The following KLRG1 variants were observed in gnomAD, a reference collection of about 807,000 sequenced individuals.
KLRG1 encodes the protein killer cell lectin-like receptor subfamily G member 1.
KLRG1 carries 16 observed loss-of-function variants against 21.8 expected under a neutral mutation model. The observed-to-expected ratio is 0.73, with a 90% confidence interval of 0.50 to 1.11. The LOEUF (loss-of-function observed/expected upper bound fraction) is 1.11. Ranked by LOEUF, KLRG1 falls within the 50% of genes most tolerant of loss-of-function variation. The pLI, the probability that KLRG1 is intolerant of heterozygous loss-of-function variation, is 0.00. For synonymous variants in KLRG1, 69 were observed against 75.9 expected, an observed-to-expected ratio of 0.91 and a Z score of 0.47; for missense variants, 173 against 218.3, an observed-to-expected ratio of 0.79 and a Z score of 1.31.
At chr12:9,205,845 A>G in the KLRG1 span, among the ~76,000 whole-genome samples, 1 of 152,198 alleles carries the variant, frequency 6.6e-6, no homozygotes, top group Non-Finnish European at 1.5e-5. Flanking sequence ...GAGAGAATCC[A>G]AGGATAATTG....
the KLRG1 span, among the ~76,000 whole-genome samples, chr12:9,187,346 A>G: frequency 2.6e-5 from 4 of 152,282 alleles, no homozygotes; most frequent in Admixed American, 1.3e-4. Flanking sequence ...ATAGACATCT[A>G]CAAAACTATC....
chr12:9,167,132 T>C, the KLRG1 span: 2 of 152,356 alleles, frequency 1.3e-5, no homozygotes, highest in African/African-American at 4.8e-5. Context: ...TTCTCACTGT[T>C]TTGTCTTCTC....
rs868825346 is a variant in KLRG1 at position 8,992,570 on chromosome 12, G to A, written c.187+260G>A. ...AGATTTGTGTGCTGCTATACCAGCG[G>A]ATCCTGTGCCACTGTACAGTCACAG... On this transcript the variant is annotated intron_variant, in intron 2 of 4. Transcript: ENST00000356986. Among the ~76,000 whole-genome samples the A allele has an allele frequency of 4.6e-5, 7 of 152,204 alleles. No individual in the cohort carries two copies. In the South Asian group the frequency reaches 1.5e-3, roughly 32 times the overall value.
At chr12:9,012,044 G>T (rs988084332), downstream of KLRG1, among the ~76,000 whole-genome samples, 9 of 152,154 alleles carry the variant, frequency 5.9e-5, no homozygotes, top group Admixed American at 5.9e-4. Flanking sequence ...GGCAATCTAG[G>T]CTACAAGGAC....
At chr12:8,998,287 C>G (rs1228994100) in intron 3 of KLRG1, among the ~76,000 whole-genome samples, 1 of 152,040 alleles carries the variant, frequency 6.6e-6, no homozygotes, top group Non-Finnish European at 1.5e-5. Context: ...TGAGACTGCA[C>G]CACTGCACTC....
chr12:8,980,566 C>T (rs1946738212), intron 1 of KLRG1, among the ~76,000 whole-genome samples: 1 of 152,146 alleles, frequency 6.6e-6, no homozygotes, highest in South Asian at 2.1e-4. Context: ...TGCACTGGGT[C>T]AGCATGGGAC....
At chr12:9,060,224 G>A in the KLRG1 span, among the ~76,000 whole-genome samples, 2 of 133,820 alleles carry the variant, frequency 1.5e-5, no homozygotes, top group Non-Finnish European at 3.5e-5. Flanking sequence ...GGGCTTCATT[G>A]TGTTAGCCAG....
the KLRG1 span, among the ~76,000 whole-genome samples, chr12:9,043,720 G>C: frequency 6.6e-6 from 1 of 152,198 alleles, no homozygotes; most frequent in Non-Finnish European, 1.5e-5. Context: ...TTGAATCCTA[G>C]CTGACCTTAT....
rs2137454093 is a variant in KLRG1, at chr12:9,009,989, A to G, written c.*452A>G. 6.5e-7 allele frequency: 1 copy of G among 1,534,276 alleles called. No homozygotes were observed. Among genetic ancestry groups the G allele is most frequent in the Non-Finnish European group, 8.7e-7 (1 of 1,145,738 alleles). ...TACTGATCCCTGATGGTATATTTCT[A>G]TCCTAACAGTGTCCCTTTGCAGATC... On this transcript the variant is annotated 3_prime_UTR_variant, in exon 5 of 5. Transcript: ENST00000356986.
At chr12:9,029,159 A>AT in the KLRG1 span, 1 of 282,384 alleles carries the variant, frequency 3.5e-6, no homozygotes, top group Non-Finnish European at 6.8e-6. Context: ...GGCAAAATCT[A>AT]TTTTCTTAGC....
the KLRG1 span, among the ~76,000 whole-genome samples, chr12:9,119,695 C>T: frequency 6.6e-6 from 1 of 152,022 alleles, no homozygotes. Context: ...AGAAGTTGAG[C>T]TTTTTGGAGT....
chr12:9,153,294 A>G, the KLRG1 span: 31 of 1,614,076 alleles, frequency 1.9e-5, no homozygotes, highest in Non-Finnish European at 2.4e-5. Flanking sequence ...AGTTCTGGTG[A>G]AAGTGGCTGC....
At chr12:9,202,170 G>T in the KLRG1 span, 1 of 694,958 alleles carries the variant, frequency 1.4e-6, no homozygotes, top group Non-Finnish European at 2.4e-6. Flanking sequence ...TTTTTGTTTT[G>T]TATAAGACTG....
At chr12:9,052,836 A>G in the KLRG1 span, 2 of 455,682 alleles carry the variant, frequency 4.4e-6, no homozygotes, top group South Asian at 3.1e-5. Context: ...GGATAAAATT[A>G]CCTAATACCA....
chr12:9,039,653 T>TGAA, the KLRG1 span, among the ~76,000 whole-genome samples: 1 of 152,094 alleles, frequency 6.6e-6, no homozygotes, highest in Admixed American at 6.6e-5. Flanking sequence ...CCAGTGACTT[T>TGAA]TCAGAGGGTG....
the KLRG1 span, chr12:9,027,651 A>G: frequency 1.1e-6 from 1 of 920,044 alleles, no homozygotes; most frequent in Non-Finnish European, 1.8e-6. Context: ...GACTCCAAAG[A>G]TTCTTCCCTT....
chr12:8,996,381 G>A (rs1947130610), intron 3 of KLRG1: 1 of 152,168 alleles, frequency 6.6e-6, no homozygotes, highest in African/African-American at 2.4e-5. Flanking sequence ...TTAGTTTTGT[G>A]TTAGTGCTAA....
At chr12:9,211,713 C>A in the KLRG1 span, among the ~76,000 whole-genome samples, 49 of 152,330 alleles carry the variant, frequency 3.2e-4, no homozygotes, top group African/African-American at 1.2e-3. Context: ...AAGGAGCAAA[C>A]ACCTTTTCCC....
At chr12:9,021,016 A>G in the KLRG1 span, among the ~76,000 whole-genome samples, 2 of 152,244 alleles carry the variant, frequency 1.3e-5, no homozygotes, top group Admixed American at 6.5e-5. Flanking sequence ...ACTGTGGACA[A>G]TTGTAACACA....
Sources: gnomAD v4.1 joint callset for allele counts (sites outside exome capture counted in the v4.1 genomes callset) on GRCh38, gnomAD v4.1.1 for gene constraint, MANE v1.5 for transcripts, NCBI Gene and HGNC (gene_info 2026-07-23, HGNC 2026-07-21) for gene names.